ROBO1: variants seen among roughly 807,000 people sequenced by gnomAD.
ROBO1 encodes roundabout homolog 1.
ROBO1 carries 149 observed loss-of-function variants against 195.9 expected under a neutral mutation model. The observed-to-expected ratio is 0.76, with a 90% confidence interval of 0.67 to 0.87. The LOEUF (loss-of-function observed/expected upper bound fraction) is 0.87. Ranked by LOEUF, ROBO1 falls within the 40% of genes least tolerant of loss-of-function variation. The pLI is 0.00. For synonymous variants in ROBO1, 816 were observed against 733.2 expected, an observed-to-expected ratio of 1.11 and a Z score of -1.82; for missense variants, 1,933 against 2,068.3, an observed-to-expected ratio of 0.93 and a Z score of 1.27.
intron 4 of ROBO1, among the ~76,000 whole-genome samples, chr3:78,923,763 G>A (rs1428605695): frequency 6.6e-6 from 1 of 152,036 alleles, no homozygotes; most frequent in African/African-American, 2.4e-5. Context: ...TGGAGCAACA[G>A]CTCTGATTAC....
intron 4 of ROBO1, among the ~76,000 whole-genome samples, chr3:78,832,361 G>A (rs969128023): frequency 1.3e-5 from 2 of 152,134 alleles, no homozygotes; most frequent in Non-Finnish European, 2.9e-5. Flanking sequence ...TTATGCAGGT[G>A]TATATGCCTC....
chr3:79,689,519 T>A (rs1341599202), intron 1 of ROBO1, among the ~76,000 whole-genome samples: 1 of 151,972 alleles, frequency 6.6e-6, no homozygotes, highest in African/African-American at 2.4e-5. Flanking sequence ...GGTACATCTG[T>A]AGGAGCACAC....
At chr3:79,017,450 A>AGTGT (rs60522056) in intron 3 of ROBO1, among the ~76,000 whole-genome samples, 19,157 of 133,278 alleles carry the variant, frequency 0.14, 1,366 homozygotes, top group East Asian at 0.18. Context: ...TCCGAGGTGC[A>AGTGT]GTGTGTGTGT....
intron 4 of ROBO1, among the ~76,000 whole-genome samples, chr3:78,884,412 GAC>G (rs2036376955): frequency 6.6e-6 from 1 of 151,980 alleles, no homozygotes; most frequent in African/African-American, 2.4e-5. Flanking sequence ...AAGAGTTCAA[GAC>G]CAGACAGAGC....
At chr3:79,606,221 T>C (rs1243022919) in intron 1 of ROBO1, among the ~76,000 whole-genome samples, 1 of 151,908 alleles carries the variant, frequency 6.6e-6, no homozygotes, top group Non-Finnish European at 1.5e-5. Context: ...AGATCTAATG[T>C]ACAACACTAG....
rs554656060 is a variant in ROBO1, at chr3:78,964,458, T to C, written c.173-25531A>G. On this transcript the variant is annotated intron_variant, in intron 3 of 30. Transcript: ENST00000464233. ...GTTAAAGACTAGTGAAAATAGGAGTTAAAAGGCAAACTTTTGCCAAACTGT... is the reference window on the plus strand; with the variant it reads ...GTTAAAGACTAGTGAAAATAGGAGTCAAAAGGCAAACTTTTGCCAAACTGT... Among the ~76,000 whole-genome samples, 3 of 152,220 alleles carry C rather than the reference T, an allele frequency of 2.0e-5. No individual in the cohort carries two copies. In the South Asian group the frequency reaches 6.2e-4, roughly 32 times the overall value.
At chr3:78,933,895 T>A (rs1294950396) in intron 4 of ROBO1, among the ~76,000 whole-genome samples, 1 of 152,002 alleles carries the variant, frequency 6.6e-6, no homozygotes, top group East Asian at 1.9e-4. Context: ...TCCCACATGA[T>A]CAATTTCAAG....
chr3:78,938,482 C>T (rs2039940874), intron 4 of ROBO1, 119 bp downstream of exon 4: 2 of 780,902 alleles, frequency 2.6e-6, no homozygotes, highest in Admixed American at 2.9e-5. Context: ...ACATACAAAG[C>T]TAGAGTTTAT....
At chr3:79,620,562 G>A (rs79675752) in intron 1 of ROBO1, among the ~76,000 whole-genome samples, 1,753 of 151,936 alleles carry the variant, frequency 0.012, 30 homozygotes, top group African/African-American at 0.04. Flanking sequence ...CACCTGCCCA[G>A]CTCCCTTATT....
intron 16 of ROBO1, 93 bp downstream of exon 16, chr3:78,660,937 C>A: frequency 2.4e-6 from 2 of 816,882 alleles, no homozygotes; most frequent in South Asian, 2.1e-5. Context: ...GTAATTAATG[C>A]CACTATTAAC....
intron 2 of ROBO1, among the ~76,000 whole-genome samples, chr3:79,376,506 G>A (rs1360682948): frequency 6.6e-6 from 1 of 152,164 alleles, no homozygotes; most frequent in Admixed American, 6.5e-5. Context: ...GGAGGGACCT[G>A]GTGTGAGGTA....
chr3:79,640,143 C>G (rs1945613596), intron 1 of ROBO1, among the ~76,000 whole-genome samples: 1 of 151,994 alleles, frequency 6.6e-6, no homozygotes, highest in Non-Finnish European at 1.5e-5. Context: ...GTTGCACATT[C>G]TGGTTTCACC....
At position 79,700,153 on chromosome 3, in the gene ROBO1, A is replaced by C. The variant is rs950841728; in HGVS notation, c.-51+67599T>G. On this transcript the variant is annotated intron_variant, in intron 1 of 30. Transcript: ENST00000464233. ...CCTCCAGCTGCATCCATGTTGCTGC[A>C]AAAGACATGATTTTGGTTTTTTATG... is the stretch of plus-strand genomic sequence containing the variant. Among the ~76,000 whole-genome samples the C allele has an allele frequency of 6.6e-5, 10 of 151,830 alleles. No homozygotes were observed. The East Asian group carries it at 1.7e-3, about 27-fold the overall frequency.
chr3:79,305,152 C>T (rs1474690079), intron 2 of ROBO1, among the ~76,000 whole-genome samples: 1 of 152,104 alleles, frequency 6.6e-6, no homozygotes, highest in African/African-American at 2.4e-5. Flanking sequence ...CTAACTCACA[C>T]TTTGAGGCAG....
intron 2 of ROBO1, among the ~76,000 whole-genome samples, chr3:79,538,749 G>T (rs1481823470): frequency 6.6e-6 from 1 of 152,090 alleles, no homozygotes; most frequent in East Asian, 1.9e-4. Context: ...TTTAGAAATT[G>T]TTATTCCTAG....
chr3:79,752,479 G>T (rs1468918901), intron 1 of ROBO1, among the ~76,000 whole-genome samples: 1 of 152,064 alleles, frequency 6.6e-6, no homozygotes, highest in Non-Finnish European at 1.5e-5. Flanking sequence ...TGGTGCCATG[G>T]GAGCTTATAG....
chr3:79,540,703 A>T (rs917880953), intron 2 of ROBO1, among the ~76,000 whole-genome samples: 11 of 152,074 alleles, frequency 7.2e-5, no homozygotes, highest in African/African-American at 2.4e-4. Context: ...GAGAAATGTG[A>T]TCTGAAACTA....
chr3:79,117,125 G>T (rs1287728003), intron 3 of ROBO1, among the ~76,000 whole-genome samples: 2 of 151,980 alleles, frequency 1.3e-5, no homozygotes, highest in Non-Finnish European at 2.9e-5. Context: ...CCAGCATTTT[G>T]GGGGGCCAAG....
chr3:79,672,395 A>C (rs2106910982), intron 1 of ROBO1, among the ~76,000 whole-genome samples: 1 of 152,042 alleles, frequency 6.6e-6, no homozygotes, highest in East Asian at 1.9e-4. Flanking sequence ...AACTAGTTGA[A>C]GTGTCTTCTT....
Sources: allele counts gnomAD v4.1 joint callset (sites outside exome capture counted in the v4.1 genomes callset), GRCh38; gene constraint gnomAD v4.1.1; transcripts MANE v1.5; gene names NCBI Gene and HGNC (gene_info 2026-07-23, HGNC 2026-07-21).